Variants in SH3GL2 observed in about 807,000 individuals in gnomAD.
The protein encoded by SH3GL2 is SH3 domain containing GRB2 like 2, endophilin A1, also known as endophilin-A1.
Under a neutral mutation model 46.0 loss-of-function variants are expected in SH3GL2, and 24 were observed. The ratio of observed to expected loss-of-function variants is 0.52; its 90% CI spans 0.38 to 0.73. The LOEUF (loss-of-function observed/expected upper bound fraction) is 0.73, where lower values mean the gene tolerates loss of function less well. SH3GL2 is among the 30% of genes least tolerant of loss of function. The pLI is 0.00. For synonymous variants in SH3GL2, 196 were observed against 147.1 expected (o/e 1.33, Z -2.40); for missense variants, 413 against 424.2 (o/e 0.97, Z 0.23).
intron 5 of SH3GL2, among the ~76,000 whole-genome samples, chr9:17,788,596 T>A (rs1824029135): frequency 6.6e-6 from 1 of 152,152 alleles, no homozygotes; most frequent in African/African-American, 2.4e-5. Flanking sequence ...AAAACTACTT[T>A]GCTACCTGGT....
rs191636379 is a variant in SH3GL2 at position 17,639,934 on chromosome 9, A to G, written c.45+60647A>G. On this transcript the variant is annotated intron_variant, in intron 1 of 8. Transcript: ENST00000380607. ...ATGAAAATTGAAAATTGGCAAAACTAGTGATATAAAGCAGATTAGTGATTG... is the reference window on the plus strand; with the variant it reads ...ATGAAAATTGAAAATTGGCAAAACTGGTGATATAAAGCAGATTAGTGATTG... Among the ~76,000 whole-genome samples the G allele has an allele frequency of 1.9e-3, 290 of 152,282 alleles. 1 individual carries two copies. The highest frequency in any genetic ancestry group is 6.6e-3 in the African/African-American group (276 of 41,570).
At chr9:17,751,518 A>C (rs1822845064) in intron 2 of SH3GL2, among the ~76,000 whole-genome samples, 4 of 141,032 alleles carry the variant, frequency 2.8e-5, no homozygotes, top group Admixed American at 1.4e-4. Context: ...GTTTTGCCTC[A>C]GCAATGACTG....
intron 1 of SH3GL2, among the ~76,000 whole-genome samples, chr9:17,586,103 A>G (rs10810812): frequency 0.35 from 53,292 of 152,104 alleles, 10,522 homozygotes; most frequent in East Asian, 0.52. Flanking sequence ...ATGCTATACT[A>G]AATCATTAGC....
intron 1 of SH3GL2, among the ~76,000 whole-genome samples, chr9:17,682,975 T>TA (rs891685066): frequency 6.6e-6 from 1 of 152,044 alleles, no homozygotes; most frequent in Non-Finnish European, 1.5e-5. Flanking sequence ...CTTACAATAG[T>TA]AAAAAATCCA....
intron 1 of SH3GL2, among the ~76,000 whole-genome samples, chr9:17,614,888 C>T (rs535049199): frequency 1.3e-5 from 2 of 152,280 alleles, no homozygotes; most frequent in East Asian, 3.9e-4. Context: ...ATACAAAATC[C>T]CTTCACAGAC....
At chr9:17,609,527 T>G (rs1416008823) in intron 1 of SH3GL2, among the ~76,000 whole-genome samples, 1 of 152,126 alleles carries the variant, frequency 6.6e-6, no homozygotes, top group Non-Finnish European at 1.5e-5. Context: ...TCCCTGCAGC[T>G]GTAGCCAGTG....
chr9:17,623,735 CA>C (rs1819212341), intron 1 of SH3GL2, among the ~76,000 whole-genome samples: 2 of 150,692 alleles, frequency 1.3e-5, no homozygotes, highest in Non-Finnish European at 1.5e-5. Flanking sequence ...CACACACACA[CA>C]CCACCCACCA....
At chr9:17,682,565 G>A (rs1051018372) in intron 1 of SH3GL2, among the ~76,000 whole-genome samples, 1 of 152,020 alleles carries the variant, frequency 6.6e-6, no homozygotes, top group African/African-American at 2.4e-5. Flanking sequence ...GTGGAGGGAG[G>A]CAAGGGGAGG....
At chr9:17,606,006 A>AT (rs1818753513) in intron 1 of SH3GL2, among the ~76,000 whole-genome samples, 1 of 152,098 alleles carries the variant, frequency 6.6e-6, no homozygotes, top group South Asian at 2.1e-4. Context: ...GATCCCTTTC[A>AT]TTAATGGCTT....
intron 3 of SH3GL2, among the ~76,000 whole-genome samples, chr9:17,786,148 G>T (rs1455586081): frequency 1.3e-5 from 2 of 152,152 alleles, no homozygotes; most frequent in Non-Finnish European, 2.9e-5. Context: ...GCTTCATCCA[G>T]AACAGAATTG....
chr9:17,674,879 G>A (rs1330409262), intron 1 of SH3GL2, among the ~76,000 whole-genome samples: 1 of 152,122 alleles, frequency 6.6e-6, no homozygotes, highest in Non-Finnish European at 1.5e-5. Context: ...CCCGGGAAGT[G>A]TACAGTGGCA....
At chr9:17,622,710 G>A (rs780062815) in intron 1 of SH3GL2, among the ~76,000 whole-genome samples, 2 of 152,130 alleles carry the variant, frequency 1.3e-5, no homozygotes, top group South Asian at 4.1e-4. Flanking sequence ...TGGGCTGGTA[G>A]GTAGGTGCTC....
chr9:17,723,031 C>T (rs1588274103), intron 1 of SH3GL2, among the ~76,000 whole-genome samples: 1 of 152,104 alleles, frequency 6.6e-6, no homozygotes, highest in African/African-American at 2.4e-5. Flanking sequence ...AGTCAAAGCA[C>T]ATTTAAAACA....
chr9:17,636,313 C>T (rs1414413809), intron 1 of SH3GL2, among the ~76,000 whole-genome samples: 1 of 152,160 alleles, frequency 6.6e-6, no homozygotes, highest in Non-Finnish European at 1.5e-5. Context: ...GATGAATGGT[C>T]TGTGTTCTAA....
chr9:17,736,745 G>T (rs1822347768), intron 1 of SH3GL2, among the ~76,000 whole-genome samples: 1 of 152,106 alleles, frequency 6.6e-6, no homozygotes, highest in African/African-American at 2.4e-5. Context: ...AAGCTGAAGT[G>T]CCTACCTTGA....
chr9:17,640,813 T>C lies in SH3GL2; in HGVS notation c.45+61526T>C, dbSNP rs796396241. On this transcript the variant is annotated intron_variant, in intron 1 of 8. Transcript: ENST00000380607. Reference sequence around the variant, plus strand: ...AAATGGAGACTGTATTATACAGATATTCAGGTCAGCTTTAACATATCCTTT... The same window carrying C: ...AAATGGAGACTGTATTATACAGATACTCAGGTCAGCTTTAACATATCCTTT... 5.9e-5 allele frequency among the ~76,000 whole-genome samples: 9 copies of C among 152,356 alleles called. No individual in the cohort carries two copies. In the East Asian group the frequency reaches 9.6e-4, roughly 16 times the overall value.
chr9:17,624,313 C>T (rs188640106), intron 1 of SH3GL2, among the ~76,000 whole-genome samples: 3 of 152,286 alleles, frequency 2.0e-5, no homozygotes, highest in African/African-American at 7.2e-5. Context: ...TCTTCCCTTG[C>T]AATAAGTGGT....
At chr9:17,623,188 G>C (rs1162486185) in intron 1 of SH3GL2, among the ~76,000 whole-genome samples, 3 of 151,638 alleles carry the variant, frequency 2.0e-5, no homozygotes, top group Non-Finnish European at 4.4e-5. Flanking sequence ...ATCGGAGTGG[G>C]CCCTTTAGTG....
chr9:17,703,236 G>GA (rs1015257230), intron 1 of SH3GL2, among the ~76,000 whole-genome samples: 8 of 151,306 alleles, frequency 5.3e-5, no homozygotes, highest in African/African-American at 1.9e-4. Context: ...ATGGCTCGGG[G>GA]AAAAAAAACA....
Sources: gnomAD v4.1 joint callset for allele counts (sites outside exome capture counted in the v4.1 genomes callset) on GRCh38, gnomAD v4.1.1 for gene constraint, MANE v1.5 for transcripts, NCBI Gene and HGNC (gene_info 2026-07-23, HGNC 2026-07-21) for gene names.